The following SLCO4C1 variants were observed in gnomAD, a reference collection of about 807,000 sequenced individuals.
SLCO4C1 encodes organic anion transporter M1.
Under a neutral mutation model 72.1 loss-of-function variants are expected in SLCO4C1, and 58 were observed. That is an observed-to-expected ratio of 0.80 (90% CI 0.65 to 1.00). The LOEUF (loss-of-function observed/expected upper bound fraction) is 1.00. Among genes scored for constraint, SLCO4C1 ranks in the 50% least tolerant of loss-of-function variants. The probability of loss-of-function intolerance (pLI) is 0.00; values close to 1 mark genes in which losing one functional copy is unlikely to be tolerated. For missense variants in SLCO4C1, 898 were observed against 857.9 expected, an observed-to-expected ratio of 1.05 and a Z score of -0.58; for synonymous variants, 297 against 312.5, an observed-to-expected ratio of 0.95 and a Z score of 0.52.
chr5:102,249,570 A>G, intron 9 of SLCO4C1, 68 bp downstream of exon 9: 1 of 1,553,998 alleles, frequency 6.4e-7, no homozygotes, highest in African/African-American at 1.4e-5. Flanking sequence ...GCATAACCCC[A>G]TTAGAGAAGT....
intron 10 of SLCO4C1, among the ~76,000 whole-genome samples, chr5:102,246,438 A>G (rs1748637851): frequency 6.6e-6 from 1 of 152,146 alleles, no homozygotes; most frequent in African/African-American, 2.4e-5. Flanking sequence ...CAACCTACCA[A>G]GATGGAATCA....
intron 8 of SLCO4C1, among the ~76,000 whole-genome samples, chr5:102,255,106 T>A (rs1456012758): frequency 6.6e-6 from 1 of 152,218 alleles, no homozygotes; most frequent in Non-Finnish European, 1.5e-5. Context: ...CACACATACA[T>A]AAATATGAGT....
At chr5:102,269,800 C>T (rs1166999196) in intron 3 of SLCO4C1, among the ~76,000 whole-genome samples, 2 of 152,062 alleles carry the variant, frequency 1.3e-5, no homozygotes, top group Admixed American at 6.6e-5. Flanking sequence ...TTGATACCTG[C>T]ACAGTTGGAG....
chr5:102,277,882 A>G (rs958392065), intron 2 of SLCO4C1, among the ~76,000 whole-genome samples: 1 of 152,182 alleles, frequency 6.6e-6, no homozygotes, highest in African/African-American at 2.4e-5. Context: ...CACTACAGAT[A>G]AATCAAAATG....
At chr5:102,273,694 A>G (rs191035454) in intron 2 of SLCO4C1, among the ~76,000 whole-genome samples, 11 of 152,340 alleles carry the variant, frequency 7.2e-5, no homozygotes, top group African/African-American at 2.6e-4. Context: ...CCTGAAAAAC[A>G]CTACTAAAGG....
chr5:102,286,088 G>A (rs887654170), intron 2 of SLCO4C1, among the ~76,000 whole-genome samples: 2 of 151,946 alleles, frequency 1.3e-5, no homozygotes, highest in African/African-American at 2.4e-5. Flanking sequence ...TTTGTAAGTA[G>A]TTACCAAGCA....
rs189311290 is a variant in SLCO4C1 at position 102,291,531 on chromosome 5, G to A, written c.431C>T (p.Thr144Ile). The change falls in exon 2 of 13, where the codon ACT (threonine) becomes ATT (isoleucine). Residue 144 changes from threonine to isoleucine, a missense_variant. Transcript: ENST00000310954. ...EKRYEMKSSLTGLISSSYDIS... is the reference protein window; with the variant it reads ...EKRYEMKSSLIGLISSSYDIS... ...ATCGTAGCTTGATGAAATCAGGCCA[G>A]TCAGGGAACTCTTCATTTCATAACG... 27 of 1,613,990 alleles carry A rather than the reference G, an allele frequency of 1.7e-5. No homozygotes were observed. In the South Asian group the frequency reaches 2.6e-4, roughly 16 times the overall value.
At chr5:102,272,545 A>G (rs1749170560) in intron 2 of SLCO4C1, among the ~76,000 whole-genome samples, 1 of 152,344 alleles carries the variant, frequency 6.6e-6, no homozygotes, top group South Asian at 2.1e-4. Context: ...CAGTCTCCAG[A>G]AAAATACTGT....
chr5:102,258,125 T>C (rs776243966), intron 6 of SLCO4C1, 38 bp from the exon 7 acceptor site: 1 of 1,474,770 alleles, frequency 6.8e-7, no homozygotes, highest in Non-Finnish European at 9.1e-7. Context: ...TGAATAGCTA[T>C]GATTGTATTG....
intron 10 of SLCO4C1, among the ~76,000 whole-genome samples, chr5:102,241,116 A>G (rs1748532293): frequency 6.6e-6 from 1 of 152,166 alleles, no homozygotes; most frequent in African/African-American, 2.4e-5. Context: ...GTACCTCAAT[A>G]TAATAGAGCC....
At chr5:102,275,985 G>A (rs760046010) in intron 2 of SLCO4C1, among the ~76,000 whole-genome samples, 1 of 152,066 alleles carries the variant, frequency 6.6e-6, no homozygotes, top group Non-Finnish European at 1.5e-5. Context: ...ATCCTAGAAG[G>A]TTACAGTGGC....
chr5:102,260,589 T>A (rs1748922687), intron 5 of SLCO4C1, among the ~76,000 whole-genome samples: 1 of 151,850 alleles, frequency 6.6e-6, no homozygotes, highest in South Asian at 2.1e-4. Flanking sequence ...TATTACTAGC[T>A]AAGGAAGTTC....
intron 2 of SLCO4C1, among the ~76,000 whole-genome samples, chr5:102,275,777 A>G (rs1019341173): frequency 1.3e-5 from 2 of 152,216 alleles, no homozygotes; most frequent in African/African-American, 4.8e-5. Flanking sequence ...ATGATAAAGA[A>G]TATTATCTTT....
At chr5:102,261,176 G>A (rs1748935552) in intron 5 of SLCO4C1, among the ~76,000 whole-genome samples, 2 of 152,240 alleles carry the variant, frequency 1.3e-5, no homozygotes, top group Admixed American at 6.5e-5. Flanking sequence ...ACTTTGAGAG[G>A]CTGAGGCAGA....
chr5:102,282,432 A>ACTT (rs1407968192), intron 2 of SLCO4C1, among the ~76,000 whole-genome samples: 1 of 151,938 alleles, frequency 6.6e-6, no homozygotes, highest in African/African-American at 2.4e-5. Context: ...TTCTCTTTCC[A>ACTT]CTTCTTAGTA....
chr5:102,295,918 G>A lies in SLCO4C1; in HGVS notation c.345C>T (p.Ala115=). ...GGFLLHYCLL[A]VTQGIVVNGL... Reference sequence around the variant, plus strand: ...GGCGCTGGACTTTACCTTGCGTGACGGCCAAGAGGCAGTAGTGAAGCAGAA... The same window carrying A: ...GGCGCTGGACTTTACCTTGCGTGACAGCCAAGAGGCAGTAGTGAAGCAGAA... Residue 115 remains alanine, a synonymous_variant, in exon 1 of 13, where the codon GCC becomes GCT. Transcript: ENST00000310954. 6.2e-7 allele frequency: 1 copy of A among 1,612,658 alleles called. No homozygotes were observed. Among genetic ancestry groups the A allele is most frequent in the Non-Finnish European group, 8.5e-7 (1 of 1,178,812 alleles).
At chr5:102,247,566 G>A in intron 9 of SLCO4C1, 124 bp from the exon 10 acceptor site, 2 of 534,956 alleles carry the variant, frequency 3.7e-6, no homozygotes, top group Non-Finnish European at 6.0e-6. Flanking sequence ...AACAAATTAT[G>A]CTGAGAGAAT....
rs3070619 is a variant in SLCO4C1 at position 102,285,212 on chromosome 5, TACACAC to T, written c.619+6125_619+6130del. On this transcript the variant is annotated intron_variant, in intron 2 of 12. Transcript: ENST00000310954. The stretch of plus-strand genomic sequence containing the variant: ...ATCCAGGATAATTCATATATATACA[TACACAC>T]ACACACACACACACACACACAAATA... Among the ~76,000 whole-genome samples, 271 of 147,960 alleles carry T rather than the reference TACACAC, an allele frequency of 1.8e-3. 1 individual carries two copies. Among genetic ancestry groups the T allele is most frequent in the African/African-American group, 6.2e-3 (246 of 39,820 alleles).
chr5:102,244,932 G>C (rs184602312), intron 10 of SLCO4C1, among the ~76,000 whole-genome samples: 2 of 152,252 alleles, frequency 1.3e-5, no homozygotes, highest in East Asian at 3.9e-4. Context: ...TGAGCAGTAA[G>C]TAATCACCTG....
Sources: gnomAD v4.1 joint callset for allele counts (sites outside exome capture counted in the v4.1 genomes callset) on GRCh38, gnomAD v4.1.1 for gene constraint, MANE v1.5 for transcripts, NCBI Gene and HGNC (gene_info 2026-07-23, HGNC 2026-07-21) for gene names.